GTF2A1L: variants seen among roughly 807,000 people sequenced by gnomAD.
GTF2A1L encodes TFIIA-alpha and beta-like factor.
GTF2A1L carries 48 observed loss-of-function variants against 49.7 expected under a neutral mutation model. The ratio of observed to expected loss-of-function variants is 0.97; its 90% CI spans 0.77 to 1.23. The LOEUF (loss-of-function observed/expected upper bound fraction) is 1.23, where lower values mean the gene tolerates loss of function less well. Ranked by LOEUF, GTF2A1L falls within the 50% of genes most tolerant of loss-of-function variation. The probability of loss-of-function intolerance (pLI) is 0.00; values close to 1 mark genes in which losing one functional copy is unlikely to be tolerated. For missense variants in GTF2A1L, 736 were observed against 564.8 expected (o/e 1.30, Z -3.07); for synonymous variants, 246 against 193.5 (o/e 1.27, Z -2.25).
chr2:48,635,359 A>G (rs1589749), intron 3 of GTF2A1L, among the ~76,000 whole-genome samples: 26,487 of 152,104 alleles, frequency 0.17, 2,671 homozygotes, highest in South Asian at 0.26. Context: ...CTTCTGCAGC[A>G]TGATCTCTGT....
Position 48,665,232 on chromosome 2 carries a change from A to G in GTF2A1L, c.979-4490A>G, listed in dbSNP as rs1024300930. ...CCACCCTGCCTGGCCAGGTTTTTCA[A>G]TTTTATTGATAATTTCAAAGAATGG... is the stretch of plus-strand genomic sequence containing the variant. On this transcript the variant is annotated intron_variant, in intron 6 of 8. Transcript: ENST00000403751. Among the ~76,000 whole-genome samples the G allele has an allele frequency of 2.7e-5, 4 of 148,820 alleles. No individual in the cohort carries two copies. The East Asian group carries it at 7.8e-4, about 29-fold the overall frequency.
chr2:48,639,666 A>G (rs1677096189), intron 3 of GTF2A1L, among the ~76,000 whole-genome samples: 1 of 152,248 alleles, frequency 6.6e-6, no homozygotes, highest in African/African-American at 2.4e-5. Flanking sequence ...AAAGACACCA[A>G]AAGCAATCAC....
chr2:48,662,295 A>G (rs1678553232), intron 6 of GTF2A1L, among the ~76,000 whole-genome samples: 1 of 152,246 alleles, frequency 6.6e-6, no homozygotes, highest in South Asian at 2.1e-4. Flanking sequence ...ATTATAAACT[A>G]AAATTATGTT....
At chr2:48,638,470 A>T (rs923642160) in intron 3 of GTF2A1L, among the ~76,000 whole-genome samples, 2 of 152,240 alleles carry the variant, frequency 1.3e-5, no homozygotes, top group African/African-American at 2.4e-5. Flanking sequence ...AACTAGACAG[A>T]AACCAAATGC....
intron 6 of GTF2A1L, among the ~76,000 whole-genome samples, chr2:48,653,326 A>C (rs913068267): frequency 6.6e-6 from 1 of 152,144 alleles, no homozygotes; most frequent in African/African-American, 2.4e-5. Flanking sequence ...TACCATATGA[A>C]TTTTGGCAAA....
rs1438287936 is a variant in GTF2A1L at position 48,618,134 on chromosome 2, T to C, written c.21+239T>C. 3 of 525,838 alleles carry C rather than the reference T, an allele frequency of 5.7e-6. No homozygotes were observed. In the East Asian group the frequency reaches 9.4e-5, roughly 16 times the overall value. The allele number at this position is 525,838 out of a possible 1,614,324, so 32.6% of individuals were successfully genotyped here. On this transcript the variant is annotated intron_variant, in intron 1 of 8. Transcript: ENST00000403751. ...AGAACAAGTGCCCTTTTTCTCTTTT[T>C]ACCCAAACTGAGGCTATCTAGTTGG...
Position 48,671,665 on chromosome 2 carries a change from C to T in GTF2A1L, c.1314C>T (p.Val438=), listed in dbSNP as rs1438484016. The stretch of plus-strand genomic sequence containing the variant: ...TGTTTGACACGGATAATGTTATTGT[C>T]TGTCAGTATGATAAGGTACTGTATT... The part of the protein sequence containing the change: ...PDLFDTDNVI[V]CQYDKIHRSK... Residue 438 remains valine, a synonymous_variant, in exon 8 of 9, where the codon GTC becomes GTT. Transcript: ENST00000403751. The T allele has an allele frequency of 1.9e-6, 3 of 1,613,134 alleles. No individual in the cohort carries two copies. In the East Asian group the frequency reaches 6.7e-5, roughly 36 times the overall value.
chr2:48,670,110 G>T (rs2104304504), intron 7 of GTF2A1L, 128 bp downstream of exon 7: 1 of 1,361,438 alleles, frequency 7.3e-7, no homozygotes, highest in East Asian at 2.6e-5. Flanking sequence ...GACTTATTTG[G>T]GGCCGGGCAC....
At position 48,679,478 on chromosome 2, in the gene GTF2A1L, C is replaced by A; in HGVS notation, c.*36C>A. ...CTCAGTACATCTATTTTGTGAACAT[C>A]AGTTGGATTATATTGCATATTGTGA... is the stretch of plus-strand genomic sequence containing the variant. On this transcript the variant is annotated 3_prime_UTR_variant, in exon 9 of 9. Coordinates refer to ENST00000403751, the MANE Select transcript of GTF2A1L (RefSeq NM_006872.5). 1.2e-6 allele frequency: 2 copies of A among 1,610,270 alleles called. No individual in the cohort carries two copies. Among genetic ancestry groups the A allele is most frequent in the South Asian group, 2.2e-5 (2 of 90,562 alleles).
intron 3 of GTF2A1L, 26 bp downstream of exon 3, chr2:48,621,316 C>A (rs778980161): frequency 1.2e-6 from 2 of 1,613,426 alleles, no homozygotes; most frequent in Non-Finnish European, 1.7e-6. Flanking sequence ...TAAATGAGTA[C>A]TGTTAGTATC....
chr2:48,663,105 C>A (rs912239183), intron 6 of GTF2A1L, among the ~76,000 whole-genome samples: 1 of 152,002 alleles, frequency 6.6e-6, no homozygotes, highest in Non-Finnish European at 1.5e-5. Context: ...GGAAAGAGGT[C>A]TCCCTTGTAG....
intron 3 of GTF2A1L, among the ~76,000 whole-genome samples, chr2:48,640,295 T>G (rs1677131253): frequency 6.6e-6 from 1 of 152,148 alleles, no homozygotes; most frequent in African/African-American, 2.4e-5. Flanking sequence ...TCAACCTAAA[T>G]GCTCATCAGT....
chr2:48,668,494 A>C (rs1322175626), intron 6 of GTF2A1L: 1 of 152,126 alleles, frequency 6.6e-6, no homozygotes, highest in Non-Finnish European at 1.5e-5. Context: ...TCTATGACAA[A>C]CTAATGGGTT....
intron 3 of GTF2A1L, among the ~76,000 whole-genome samples, chr2:48,641,018 T>G (rs1677169542): frequency 6.6e-6 from 1 of 152,218 alleles, no homozygotes; most frequent in Non-Finnish European, 1.5e-5. Flanking sequence ...TTGTACTGTT[T>G]GATTTATTTA....
At chr2:48,620,543 G>A (rs1434700135) in intron 1 of GTF2A1L, among the ~76,000 whole-genome samples, 1 of 152,222 alleles carries the variant, frequency 6.6e-6, no homozygotes, top group African/African-American at 2.4e-5. Context: ...ACTTTGGGAG[G>A]CTGAGGCGGG....
rs1055359149 is a variant in GTF2A1L, at chr2:48,626,654, C to T, written c.247+5364C>T. Among the ~76,000 whole-genome samples, 114 of 143,738 alleles carry T rather than the reference C, an allele frequency of 7.9e-4. 18 individuals are homozygous for T. Among genetic ancestry groups the T allele is most frequent in the Non-Finnish European group, 1.5e-3 (95 of 63,800 alleles). The allele number at this position is 143,738 out of a possible 152,430, so 94.3% of individuals were successfully genotyped here. A position where few individuals can be genotyped will look rare whatever the true frequency, so the allele number is the denominator to read the frequency against. ...GTGGCACAACCTTGGCTCACTGCAG[C>T]CTCCACCCCCTGGGCGCAAGCCATT... On this transcript the variant is annotated intron_variant, in intron 3 of 8. Transcript: ENST00000403751.
chr2:48,654,028 T>C (rs1678026274), intron 6 of GTF2A1L, among the ~76,000 whole-genome samples: 1 of 151,978 alleles, frequency 6.6e-6, no homozygotes, highest in Non-Finnish European at 1.5e-5. Flanking sequence ...GATAAACGTA[T>C]GCTTATGAGA....
chr2:48,623,546 A>T (rs1422919545), intron 3 of GTF2A1L, among the ~76,000 whole-genome samples: 1 of 152,226 alleles, frequency 6.6e-6, no homozygotes, highest in African/African-American at 2.4e-5. Flanking sequence ...AATTCAACTC[A>T]TCAGTTCTAT....
chr2:48,657,181 G>T (rs546171106), intron 6 of GTF2A1L, among the ~76,000 whole-genome samples: 4 of 152,202 alleles, frequency 2.6e-5, no homozygotes, highest in African/African-American at 9.6e-5. Context: ...CTGAGGTTTG[G>T]GGTGTGATTG....
Sources: allele counts gnomAD v4.1 joint callset (sites outside exome capture counted in the v4.1 genomes callset), GRCh38; gene constraint gnomAD v4.1.1; transcripts MANE v1.5; gene names NCBI Gene and HGNC (gene_info 2026-07-23, HGNC 2026-07-21).